The following NEDD4L variants were observed in gnomAD, a reference collection of about 807,000 sequenced individuals.
NEDD4L encodes the protein NEDD4 like E3 ubiquitin protein ligase.
NEDD4L carries 54 observed loss-of-function variants against 148.9 expected under a neutral mutation model. The ratio of observed to expected loss-of-function variants is 0.36; its 90% CI spans 0.29 to 0.45. The LOEUF (loss-of-function observed/expected upper bound fraction) is 0.45. NEDD4L is among the 20% of genes least tolerant of loss of function. NEDD4L has a pLI of 1.00. For missense variants in NEDD4L, 856 were observed against 1,233.8 expected (o/e 0.69, Z 4.59); for synonymous variants, 433 against 440.7 (o/e 0.98, Z 0.22).
At chr18:58,172,856 G>C (rs1213699012) in intron 2 of NEDD4L, among the ~76,000 whole-genome samples, 1 of 152,216 alleles carries the variant, frequency 6.6e-6, no homozygotes, top group Non-Finnish European at 1.5e-5. Context: ...GCTATGCTCA[G>C]TGATAGATCT....
At chr18:58,235,052 C>T (rs947227738) in intron 2 of NEDD4L, among the ~76,000 whole-genome samples, 1 of 152,014 alleles carries the variant, frequency 6.6e-6, no homozygotes, top group Non-Finnish European at 1.5e-5. Flanking sequence ...ACTCCCCCAC[C>T]GAGAAGCCCA....
At chr18:58,396,116 C>T (rs369955992) in intron 30 of NEDD4L, 51 bp from the exon 31 acceptor site, 78 of 1,221,404 alleles carry the variant, frequency 6.4e-5, no homozygotes, top group South Asian at 3.1e-4. Flanking sequence ...TTAACCAGAT[C>T]GAGGAAGTGC....
Position 58,083,234 on chromosome 18 carries a change from T to C in NEDD4L, c.48+38526T>C, listed in dbSNP as rs2145153068. ...AGTGCTGCAGTGGTTCACAGTAACA[T>C]GATAATAACTAATTGTGTAATGATT... On this transcript the variant is annotated intron_variant, in intron 1 of 30. Coordinates refer to ENST00000400345, the MANE Select transcript of NEDD4L (RefSeq NM_001144967.3). 2.0e-5 allele frequency among the ~76,000 whole-genome samples: 3 copies of C among 152,268 alleles called. No homozygotes were observed. The South Asian group carries it at 6.2e-4, about 32-fold the overall frequency.
At chr18:58,337,047 G>A (rs1295438118) in intron 13 of NEDD4L, among the ~76,000 whole-genome samples, 1 of 152,190 alleles carries the variant, frequency 6.6e-6, no homozygotes, top group African/African-American at 2.4e-5. Context: ...AGTAAATGAA[G>A]TAGGAATGGA....
In NEDD4L at chr18:58,312,483, G is replaced by T. The variant is rs375011274; in HGVS notation, c.298-3499G>T. Among the ~76,000 whole-genome samples the T allele has an allele frequency of 2.0e-5, 3 of 152,186 alleles. No homozygotes were observed. The East Asian group carries it at 5.8e-4, about 29-fold the overall frequency. ...ACTGTGGTGGTGATGACCTAAGGGT[G>T]CTGTGATGGCCTCAAACGTTGTCCC... On this transcript the variant is annotated intron_variant, in intron 5 of 30. Transcript: ENST00000400345.
At chr18:58,142,273 C>A (rs1349285399) in intron 1 of NEDD4L, among the ~76,000 whole-genome samples, 1 of 151,804 alleles carries the variant, frequency 6.6e-6, no homozygotes, top group African/African-American at 2.4e-5. Context: ...CGGTCTCGAT[C>A]TTTTGACATC....
At chr18:58,289,977 A>G (rs2054482550) in intron 5 of NEDD4L, among the ~76,000 whole-genome samples, 1 of 152,206 alleles carries the variant, frequency 6.6e-6, no homozygotes, top group South Asian at 2.1e-4. Flanking sequence ...CATATTCATC[A>G]TGTCCCCATG....
chr18:58,284,960 C>T (rs868093483), intron 5 of NEDD4L, among the ~76,000 whole-genome samples: 2 of 152,276 alleles, frequency 1.3e-5, no homozygotes, highest in South Asian at 4.1e-4. Flanking sequence ...CACTCCTGCT[C>T]CTGCTCTCCC....
intron 5 of NEDD4L, among the ~76,000 whole-genome samples, chr18:58,274,669 A>G (rs1246594483): frequency 1.3e-5 from 2 of 152,246 alleles, no homozygotes; most frequent in Non-Finnish European, 2.9e-5. Flanking sequence ...CTAGGCCTGC[A>G]CCAAGATCCA....
At chr18:58,082,102 A>ATATATATATTTTTTTTTTTTTTTTT in intron 1 of NEDD4L, among the ~76,000 whole-genome samples, 2 of 48,856 alleles carry the variant, frequency 4.1e-5, no homozygotes, top group African/African-American at 1.3e-4. Context: ...ATATATATAT[A>ATATATATATTTTTTTTTTTTTTTTT]TTTTTTTTTT....
At chr18:58,202,288 C>A (rs919640415) in intron 2 of NEDD4L, among the ~76,000 whole-genome samples, 1 of 152,234 alleles carries the variant, frequency 6.6e-6, no homozygotes, top group African/African-American at 2.4e-5. Context: ...CTGTTCCCTG[C>A]CTGGCAGGTG....
Position 58,129,255 on chromosome 18 carries a change from G to A in NEDD4L, c.49-36533G>A, listed in dbSNP as rs372098306. 2.2e-4 allele frequency among the ~76,000 whole-genome samples: 33 copies of A among 152,302 alleles called. No homozygotes were observed. In the South Asian group the frequency reaches 6.4e-3, roughly 30 times the overall value. On this transcript the variant is annotated intron_variant, in intron 1 of 30. Transcript: ENST00000400345. Reference sequence around the variant, plus strand: ...CTGCTGCTCAGCCTGCTTGCATCTCGTCTGTTTTCAGTTATCAGTGGTGTG... The same window carrying A: ...CTGCTGCTCAGCCTGCTTGCATCTCATCTGTTTTCAGTTATCAGTGGTGTG...
At position 58,216,284 on chromosome 18, in the gene NEDD4L, G is replaced by C. The variant is rs73452673; in HGVS notation, c.123-29143G>C. On this transcript the variant is annotated intron_variant, in intron 2 of 30. Transcript: ENST00000400345. ...GGGCTGGGGAAGGGAGAGAGTTCAT[G>C]GGGGAGGGCTGGAGATGAAGGTAAA... Among the ~76,000 whole-genome samples, 811 of 152,194 alleles carry C rather than the reference G, an allele frequency of 5.3e-3. 6 individuals are homozygous for C. The highest frequency in any genetic ancestry group is 0.017 in the African/African-American group (712 of 41,528).
intron 1 of NEDD4L, among the ~76,000 whole-genome samples, chr18:58,093,679 G>C (rs2084209845): frequency 6.6e-6 from 1 of 152,180 alleles, no homozygotes; most frequent in Non-Finnish European, 1.5e-5. Context: ...GTGCTCATGT[G>C]TTGTCTGATG....
chr18:58,181,433 A>G (rs1432512650), intron 2 of NEDD4L, among the ~76,000 whole-genome samples: 1 of 152,174 alleles, frequency 6.6e-6, no homozygotes, highest in Non-Finnish European at 1.5e-5. Flanking sequence ...GAATTTGTCT[A>G]TCTACGGATT....
At chr18:58,348,371 G>A (rs572663862) in intron 16 of NEDD4L, among the ~76,000 whole-genome samples, 1 of 108,564 alleles carries the variant, frequency 9.2e-6, no homozygotes, top group Non-Finnish European at 1.7e-5. Flanking sequence ...TCACTCTGTT[G>A]CCCAGCCTGG....
chr18:58,271,415 T>G (rs2051025074), intron 5 of NEDD4L, among the ~76,000 whole-genome samples: 1 of 152,212 alleles, frequency 6.6e-6, no homozygotes, highest in African/African-American at 2.4e-5. Flanking sequence ...TCGTGGTTTA[T>G]TCTCTTCTTT....
intron 3 of NEDD4L, among the ~76,000 whole-genome samples, chr18:58,248,317 T>C (rs887189591): frequency 4.6e-5 from 7 of 152,216 alleles, no homozygotes; most frequent in Non-Finnish European, 1.0e-4. Flanking sequence ...GATGGATGAA[T>C]GGAGAGGAAG....
chr18:58,369,064 G>T (rs1229540228), intron 22 of NEDD4L, among the ~76,000 whole-genome samples: 3 of 152,220 alleles, frequency 2.0e-5, no homozygotes, highest in Non-Finnish European at 4.4e-5. Flanking sequence ...GGGGAAAAGA[G>T]ATGAGAACAA....
Sources: gnomAD v4.1 joint callset for allele counts (sites outside exome capture counted in the v4.1 genomes callset) on GRCh38, gnomAD v4.1.1 for gene constraint, MANE v1.5 for transcripts, NCBI Gene and HGNC (gene_info 2026-07-23, HGNC 2026-07-21) for gene names.